Variants in DERA observed in about 807,000 individuals in gnomAD.
DERA encodes the protein 2-deoxy-D-ribose 5-phosphate aldolase.
A neutral mutation model predicts 41.1 loss-of-function variants in DERA; 15 were observed. That is an observed-to-expected ratio of 0.37 (90% confidence interval 0.24 to 0.56). The LOEUF is 0.56. Among genes scored for constraint, DERA ranks in the 20% least tolerant of loss-of-function variants. The pLI is 0.81. For missense variants in DERA, 396 were observed against 403.4 expected (o/e 0.98, Z 0.16); for synonymous variants, 139 against 137.4 (o/e 1.01, Z -0.08).
Position 15,994,644 on chromosome 12 carries a change from G to A in DERA, c.637+12208G>A, listed in dbSNP as rs1449226839. ...AATTTTTTGTATTTTTAGTAGAGACGGGGTTTCACCATGTTAGCCAGCATG... is the reference window on the plus strand; with the variant it reads ...AATTTTTTGTATTTTTAGTAGAGACAGGGTTTCACCATGTTAGCCAGCATG... On this transcript the variant is annotated intron_variant, in intron 6 of 8. Coordinates refer to ENST00000428559, the MANE Select transcript of DERA (RefSeq NM_015954.4). This position sits in a 1 kb window ranked among gnomAD's most constrained non-coding sequence, Gnocchi z 4.8. Among the ~76,000 whole-genome samples, 1 of 152,056 alleles carries A rather than the reference G, an allele frequency of 6.6e-6. No individual in the cohort carries two copies. The highest frequency in any genetic ancestry group is 1.5e-5 in the Non-Finnish European group (1 of 68,018).
intron 6 of DERA, among the ~76,000 whole-genome samples, chr12:15,991,091 C>T (rs1294583118): frequency 6.6e-6 from 1 of 152,022 alleles, no homozygotes; most frequent in South Asian, 2.1e-4. Context: ...AAAATAGGTC[C>T]TTTTTCTCCA....
At chr12:15,962,748 C>A (rs1565597576) in intron 4 of DERA, 65 bp from the exon 5 acceptor site, 3 of 1,419,546 alleles carry the variant, frequency 2.1e-6, no homozygotes, top group South Asian at 2.8e-5. Flanking sequence ...TTCCCCTCCC[C>A]CCCTTGCTTA....
rs1192070229 is a variant in DERA, at chr12:16,003,064, A to G, written c.637+20628A>G. On this transcript the variant is annotated intron_variant, in intron 6 of 8. Transcript: ENST00000428559. This position sits in a 1 kb window ranked among gnomAD's most constrained non-coding sequence, Gnocchi z 4.8. ...GAGTTCTGAGGGTTAGAAGTCTGAG[A>G]TAAGGTGTGAGCAGGGTTAGTTCCT... 6.6e-6 allele frequency among the ~76,000 whole-genome samples: 1 copy of G among 152,200 alleles called. No individual in the cohort carries two copies. Among genetic ancestry groups the G allele is most frequent in the Non-Finnish European group, 1.5e-5 (1 of 68,028 alleles).
Position 15,982,890 on chromosome 12 carries a change from CT to C in DERA, c.637+457del, listed in dbSNP as rs1948742275. On this transcript the variant is annotated intron_variant, in intron 6 of 8. Coordinates refer to ENST00000428559, the MANE Select transcript of DERA (RefSeq NM_015954.4). The surrounding 1 kb of genome is among the most constrained non-coding windows in gnomAD (Gnocchi z 4.0). ...TAGTGCAGTATCATTGATTTTTATACTTTCAAATATAAGTTGACTTATTCTT... is the reference window on the plus strand; with the variant it reads ...TAGTGCAGTATCATTGATTTTTATACTTCAAATATAAGTTGACTTATTCTT... Among the ~76,000 whole-genome samples the C allele has an allele frequency of 6.6e-6, 1 of 152,318 alleles. No homozygotes were observed. The highest frequency in any genetic ancestry group is 2.1e-4 in the South Asian group (1 of 4,824).
At chr12:15,932,997 A>C (rs780563879) in intron 1 of DERA, among the ~76,000 whole-genome samples, 1 of 152,052 alleles carries the variant, frequency 6.6e-6, no homozygotes, top group Non-Finnish European at 1.5e-5. Flanking sequence ...AAGTGACAGG[A>C]TTTCCTTCTT....
chr12:16,036,508 T>C lies in DERA; in HGVS notation c.900+127T>C. ...ACCTCATCCTACCCAATCCTCTACCTTTTCTTCCAAGCAAACCGCCATCAG... is the reference window on the plus strand; with the variant it reads ...ACCTCATCCTACCCAATCCTCTACCCTTTCTTCCAAGCAAACCGCCATCAG... On this transcript the variant is annotated intron_variant, in intron 8 of 8. Coordinates refer to ENST00000428559, the MANE Select transcript of DERA (RefSeq NM_015954.4). This position sits in a 1 kb window ranked among gnomAD's most constrained non-coding sequence, Gnocchi z 4.9. The C allele has an allele frequency of 8.3e-7, 1 of 1,208,052 alleles. No homozygotes were observed. The highest frequency in any genetic ancestry group is 1.1e-6 in the Non-Finnish European group (1 of 872,230). The allele number at this position is 1,208,052 out of a possible 1,614,324, so 74.8% of individuals were successfully genotyped here.
Position 16,035,410 on chromosome 12 carries a change from A to G in DERA, c.751-822A>G, listed in dbSNP as rs1297775329. The stretch of plus-strand genomic sequence containing the variant: ...TGTTGTTTTGACCACTACCATCTAC[A>G]GATTCCCAACTCTACTGGATAGTCA... On this transcript the variant is annotated intron_variant, in intron 7 of 8. Coordinates refer to ENST00000428559, the MANE Select transcript of DERA (RefSeq NM_015954.4). The surrounding 1 kb of genome is among the most constrained non-coding windows in gnomAD (Gnocchi z 4.1). Among the ~76,000 whole-genome samples, 1 of 152,214 alleles carries G rather than the reference A, an allele frequency of 6.6e-6. No homozygotes were observed. Among genetic ancestry groups the G allele is most frequent in the Non-Finnish European group, 1.5e-5 (1 of 68,034 alleles).
At chr12:15,946,337 G>A (rs1321419342) in intron 1 of DERA, among the ~76,000 whole-genome samples, 2 of 152,126 alleles carry the variant, frequency 1.3e-5, no homozygotes, top group East Asian at 1.9e-4. Context: ...GGTAGAATTC[G>A]GCTGTGAATC....
Position 15,998,554 on chromosome 12 carries a change from T to C in DERA, c.637+16118T>C, listed in dbSNP as rs773885060. On this transcript the variant is annotated intron_variant, in intron 6 of 8. Coordinates refer to ENST00000428559, the MANE Select transcript of DERA (RefSeq NM_015954.4). The surrounding 1 kb of genome is among the most constrained non-coding windows in gnomAD (Gnocchi z 4.8). ...CTGGTCTCGAACTCCTGACCTCAGG[T>C]GATCCGCCTGCCTCAGCCTCCCAAT... Among the ~76,000 whole-genome samples, 10 of 152,044 alleles carry C rather than the reference T, an allele frequency of 6.6e-5. No homozygotes were observed. The highest frequency in any genetic ancestry group is 4.6e-4 in the Admixed American group (7 of 15,264).
Position 15,998,646 on chromosome 12 carries a change from G to A in DERA, c.637+16210G>A, listed in dbSNP as rs1948855401. 1.3e-5 allele frequency among the ~76,000 whole-genome samples: 2 copies of A among 152,148 alleles called. No homozygotes were observed. Among genetic ancestry groups the A allele is most frequent in the South Asian group, 2.1e-4 (1 of 4,828 alleles). On this transcript the variant is annotated intron_variant, in intron 6 of 8. Transcript: ENST00000428559. This position sits in a 1 kb window ranked among gnomAD's most constrained non-coding sequence, Gnocchi z 4.8. ...ACAGGAAGTCTTTCAACTCACATTT[G>A]TAGTTCAGAGATGGCTTAAAGAGCT... is the stretch of plus-strand genomic sequence containing the variant.
rs34468299 is a variant in DERA, at chr12:15,996,157, A to ATGTGTGTGTG, written c.637+13747_637+13756dup. ...GCAGACACAGACACACACACAGAGC[A>ATGTGTGTGTG]TGTGTGTGTGTGTGTGTGTGTGTGT... On this transcript the variant is annotated intron_variant, in intron 6 of 8. Transcript: ENST00000428559. The surrounding 1 kb of genome is among the most constrained non-coding windows in gnomAD (Gnocchi z 4.7). Among the ~76,000 whole-genome samples the ATGTGTGTGTG allele has an allele frequency of 2.0e-4, 29 of 145,034 alleles. No homozygotes were observed. The highest frequency in any genetic ancestry group is 2.0e-4 in the Non-Finnish European group (13 of 65,598).
rs146707759 is a variant in DERA at position 15,924,644 on chromosome 12, A to G, written c.31+13230A>G. Among the ~76,000 whole-genome samples the G allele has an allele frequency of 6.2e-4, 94 of 152,314 alleles. No homozygotes were observed. The highest frequency in any genetic ancestry group is 2.2e-3 in the African/African-American group (90 of 41,574). ...ACCTGGTAGAGTTAGTGAGACTATT[A>G]AGTGAGATATATAATTAAATTACCT... On this transcript the variant is annotated intron_variant, in intron 1 of 8. Coordinates refer to ENST00000428559, the MANE Select transcript of DERA (RefSeq NM_015954.4). This position sits in a 1 kb window ranked among gnomAD's most constrained non-coding sequence, Gnocchi z 5.0.
chr12:15,972,899 A>T lies in DERA; in HGVS notation c.509-9409A>T, dbSNP rs1266085815. 6.6e-6 allele frequency among the ~76,000 whole-genome samples: 1 copy of T among 152,210 alleles called. No individual in the cohort carries two copies. The highest frequency in any genetic ancestry group is 1.5e-5 in the Non-Finnish European group (1 of 68,034). On this transcript the variant is annotated intron_variant, in intron 5 of 8. Coordinates refer to ENST00000428559, the MANE Select transcript of DERA (RefSeq NM_015954.4). This position sits in a 1 kb window ranked among gnomAD's most constrained non-coding sequence, Gnocchi z 4.4. ...GTTCCTGCTGGCGTGCGGGGACAGC[A>T]TTGCAGAAGGTAGGGCCAGTTGTCA...
rs377654731 is a variant in DERA, at chr12:15,999,764, CTCAT to C, written c.637+17342_637+17345del. The stretch of plus-strand genomic sequence containing the variant: ...GAGGAATGAATGATTGACTGAGTAA[CTCAT>C]TCATTCATTCATTTATTCAGTCGTT... On this transcript the variant is annotated intron_variant, in intron 6 of 8. Coordinates refer to ENST00000428559, the MANE Select transcript of DERA (RefSeq NM_015954.4). The surrounding 1 kb of genome is among the most constrained non-coding windows in gnomAD (Gnocchi z 5.3). Among the ~76,000 whole-genome samples the C allele has an allele frequency of 7.2e-5, 11 of 152,126 alleles. No homozygotes were observed. Among genetic ancestry groups the C allele is most frequent in the Non-Finnish European group, 1.2e-4 (8 of 68,018 alleles).
In DERA at chr12:15,931,924, G is replaced by A. The variant is rs377399999; in HGVS notation, c.31+20510G>A. ...TTTGCACATACCTGCTACCTTTCACGTGTCCGCTTCCCCTTTGACCTTTTG... is the reference window on the plus strand; with the variant it reads ...TTTGCACATACCTGCTACCTTTCACATGTCCGCTTCCCCTTTGACCTTTTG... On this transcript the variant is annotated intron_variant, in intron 1 of 8. Coordinates refer to ENST00000428559, the MANE Select transcript of DERA (RefSeq NM_015954.4). The surrounding 1 kb of genome is among the most constrained non-coding windows in gnomAD (Gnocchi z 4.6). Among the ~76,000 whole-genome samples, 2 of 152,066 alleles carry A rather than the reference G, an allele frequency of 1.3e-5. No individual in the cohort carries two copies. The highest frequency in any genetic ancestry group is 2.4e-5 in the African/African-American group (1 of 41,386).
rs1948806803 is a variant in DERA, at chr12:15,992,177, G to A, written c.637+9741G>A. Among the ~76,000 whole-genome samples, 1 of 150,822 alleles carries A rather than the reference G, an allele frequency of 6.6e-6. No homozygotes were observed. Among genetic ancestry groups the A allele is most frequent in the African/African-American group, 2.4e-5 (1 of 40,960 alleles). On this transcript the variant is annotated intron_variant, in intron 6 of 8. Transcript: ENST00000428559. The surrounding 1 kb of genome is among the most constrained non-coding windows in gnomAD (Gnocchi z 4.3). Reference sequence around the variant, plus strand: ...AAACCTGGCATATAGTAGAGCCTAAGAATATATTTCCATATACACCAATGA... The same window carrying A: ...AAACCTGGCATATAGTAGAGCCTAAAAATATATTTCCATATACACCAATGA...
rs541016015 is a variant in DERA at position 15,995,300 on chromosome 12, T to C, written c.637+12864T>C. On this transcript the variant is annotated intron_variant, in intron 6 of 8. Transcript: ENST00000428559. This position sits in a 1 kb window ranked among gnomAD's most constrained non-coding sequence, Gnocchi z 5.1. ...TAGGAGTTGGTGAACATGAAATCAA[T>C]ATAAAAGAGAAAAATGACAGCAAGC... is the stretch of plus-strand genomic sequence containing the variant. Among the ~76,000 whole-genome samples the C allele has an allele frequency of 1.3e-5, 2 of 152,240 alleles. No homozygotes were observed. Among genetic ancestry groups the C allele is most frequent in the African/African-American group, 4.8e-5 (2 of 41,542 alleles).
At chr12:15,926,356 G>A (rs1948283201) in intron 1 of DERA, among the ~76,000 whole-genome samples, 1 of 152,048 alleles carries the variant, frequency 6.6e-6, no homozygotes, top group South Asian at 2.1e-4. Context: ...TAAACTTTTC[G>A]ATTCCTCCCC....
intron 5 of DERA, among the ~76,000 whole-genome samples, chr12:15,978,929 G>A (rs200244796): frequency 6.6e-6 from 1 of 152,294 alleles, no homozygotes; most frequent in African/African-American, 2.4e-5. Flanking sequence ...AAATAACTCC[G>A]TGAGGTGTGC....
Sources: allele counts gnomAD v4.1 joint callset (sites outside exome capture counted in the v4.1 genomes callset), GRCh38; gene constraint gnomAD v4.1.1; non-coding constraint Gnocchi (gnomAD v3.1); transcripts MANE v1.5; gene names NCBI Gene and HGNC (gene_info 2026-07-23, HGNC 2026-07-21).